Variants in EPHA6 observed in about 807,000 individuals in gnomAD.
EPHA6 encodes the protein EPH receptor A6.
EPHA6 carries 50 observed loss-of-function variants against 112.0 expected under a neutral mutation model. That is an observed-to-expected ratio of 0.45 (90% CI 0.36 to 0.56). The LOEUF (loss-of-function observed/expected upper bound fraction) is 0.56, where lower values mean the gene tolerates loss of function less well. EPHA6 is among the 20% of genes least tolerant of loss of function. EPHA6 has a pLI of 0.00. For synonymous variants in EPHA6, 529 were observed against 490.7 expected (o/e 1.08, Z -1.03); for missense variants, 1,280 against 1,417.4 (o/e 0.90, Z 1.56).
At chr3:97,131,831 G>A (rs1250375085) in intron 3 of EPHA6, among the ~76,000 whole-genome samples, 2 of 152,064 alleles carry the variant, frequency 1.3e-5, no homozygotes, top group African/African-American at 2.4e-5. Flanking sequence ...ATGTCTATAC[G>A]TTATTATACA....
intron 3 of EPHA6, among the ~76,000 whole-genome samples, chr3:97,154,599 T>C (rs2076247033): frequency 6.6e-6 from 1 of 152,176 alleles, no homozygotes. Context: ...GTCTGAAACT[T>C]TGTACCCTTT....
chr3:96,939,407 G>T (rs2040803689), intron 2 of EPHA6, among the ~76,000 whole-genome samples: 1 of 152,184 alleles, frequency 6.6e-6, no homozygotes. Context: ...GATGTTTGTA[G>T]TATTCTCTGA....
At chr3:96,949,832 A>C (rs1181608356) in intron 2 of EPHA6, among the ~76,000 whole-genome samples, 1 of 152,152 alleles carries the variant, frequency 6.6e-6, no homozygotes, top group African/African-American at 2.4e-5. Flanking sequence ...TGACCTTAGA[A>C]GGTTAAATAC....
chr3:96,998,527 T>C (rs931093987), intron 3 of EPHA6, among the ~76,000 whole-genome samples: 5 of 152,058 alleles, frequency 3.3e-5, no homozygotes, highest in African/African-American at 1.2e-4. Flanking sequence ...TATTTAGATG[T>C]AGAATACAAG....
At chr3:97,203,250 TC>T (rs2077626610) in intron 3 of EPHA6, among the ~76,000 whole-genome samples, 1 of 151,816 alleles carries the variant, frequency 6.6e-6, no homozygotes, top group Admixed American at 6.6e-5. Flanking sequence ...GTAGAAAGAG[TC>T]ATTGGGATAA....
chr3:97,446,573 T>C (rs966643553), intron 6 of EPHA6, among the ~76,000 whole-genome samples: 2 of 152,132 alleles, frequency 1.3e-5, no homozygotes, highest in African/African-American at 4.8e-5. Context: ...TAAATGCTTT[T>C]TTTCATTGCT....
At chr3:97,310,621 G>A (rs1445913446) in intron 5 of EPHA6, among the ~76,000 whole-genome samples, 4 of 151,462 alleles carry the variant, frequency 2.6e-5, no homozygotes, top group African/African-American at 9.7e-5. Context: ...TTTGAAGTCA[G>A]TTATCTCAAA....
chr3:97,218,621 C>T (rs1052004502), intron 3 of EPHA6, among the ~76,000 whole-genome samples: 3 of 152,146 alleles, frequency 2.0e-5, no homozygotes, highest in Non-Finnish European at 4.4e-5. Flanking sequence ...TCTCCCTTGA[C>T]ACATAGGGAT....
chr3:97,166,822 C>A (rs2076553647), intron 3 of EPHA6, among the ~76,000 whole-genome samples: 1 of 152,120 alleles, frequency 6.6e-6, no homozygotes, highest in African/African-American at 2.4e-5. Context: ...TACTTCTAGG[C>A]TAAAGAAGTG....
At chr3:97,315,512 A>G (rs2081782385) in intron 5 of EPHA6, among the ~76,000 whole-genome samples, 1 of 151,696 alleles carries the variant, frequency 6.6e-6, no homozygotes, top group South Asian at 2.1e-4. Context: ...CTATGAAGAG[A>G]AAGGATGATA....
At chr3:97,025,713 C>T (rs1438279990) in intron 3 of EPHA6, among the ~76,000 whole-genome samples, 1 of 152,104 alleles carries the variant, frequency 6.6e-6, no homozygotes, top group Non-Finnish European at 1.5e-5. Flanking sequence ...CTCAGCCTCC[C>T]GAGTAGCTGG....
intron 2 of EPHA6, among the ~76,000 whole-genome samples, chr3:96,956,268 G>C (rs2041755038): frequency 6.6e-6 from 1 of 152,176 alleles, no homozygotes; most frequent in Admixed American, 6.5e-5. Flanking sequence ...GTAAGTTGTA[G>C]AGAAGGCACT....
At chr3:97,395,440 A>C (rs1396119923) in intron 5 of EPHA6, among the ~76,000 whole-genome samples, 3 of 151,836 alleles carry the variant, frequency 2.0e-5, no homozygotes, top group Non-Finnish European at 4.4e-5. Context: ...CATGATAAAC[A>C]TGTATCACAT....
At chr3:96,920,736 T>C (rs1034631529) in intron 2 of EPHA6, among the ~76,000 whole-genome samples, 1 of 152,014 alleles carries the variant, frequency 6.6e-6, no homozygotes, top group Non-Finnish European at 1.5e-5. Flanking sequence ...TTTGTGTGTT[T>C]TAGAGAATTC....
intron 2 of EPHA6, among the ~76,000 whole-genome samples, chr3:96,911,156 A>G (rs1264821812): frequency 6.6e-6 from 1 of 152,084 alleles, no homozygotes; most frequent in African/African-American, 2.4e-5. Context: ...TTATTTAGCT[A>G]CAGTTTTACA....
At chr3:97,539,038 G>GCTTT (rs1282186786) in intron 11 of EPHA6, among the ~76,000 whole-genome samples, 5 of 64,178 alleles carry the variant, frequency 7.8e-5, no homozygotes, top group East Asian at 3.9e-4. Flanking sequence ...TTTCTTTCTT[G>GCTTT]CTTTCTTTCT....
intron 3 of EPHA6, among the ~76,000 whole-genome samples, chr3:97,110,930 G>A (rs969691069): frequency 1.3e-5 from 2 of 152,048 alleles, no homozygotes; most frequent in African/African-American, 2.4e-5. Flanking sequence ...TTTGCAGGAA[G>A]TACTACAAAA....
intron 2 of EPHA6, among the ~76,000 whole-genome samples, chr3:96,897,172 A>G (rs1021651670): frequency 3.3e-5 from 5 of 151,530 alleles, no homozygotes; most frequent in South Asian, 2.1e-4. Context: ...AGGTAAACAT[A>G]CATATGCACA....
chr3:97,231,671 A>G (rs2078528566), intron 4 of EPHA6, among the ~76,000 whole-genome samples: 2 of 152,150 alleles, frequency 1.3e-5, no homozygotes, highest in African/African-American at 4.8e-5. Flanking sequence ...GGCCTGGGAG[A>G]AAGTTCCTCT....
Sources: allele counts gnomAD v4.1 joint callset (sites outside exome capture counted in the v4.1 genomes callset), GRCh38; gene constraint gnomAD v4.1.1; transcripts MANE v1.5; gene names NCBI Gene and HGNC (gene_info 2026-07-23, HGNC 2026-07-21).